Variants in GPHN observed in about 807,000 individuals in gnomAD.
GPHN encodes the protein gephyrin.
In GPHN, 17 loss-of-function variants were observed where a neutral mutation model predicts 95.5. That is an observed-to-expected ratio of 0.18 (90% CI 0.12 to 0.27). GPHN has a LOEUF of 0.27. GPHN is among the 10% of genes least tolerant of loss of function. GPHN has a pLI of 1.00. For synonymous variants in GPHN, 320 were observed against 322.5 expected, an observed-to-expected ratio of 0.99 and a Z score of 0.08; for missense variants, 660 against 978.1, an observed-to-expected ratio of 0.67 and a Z score of 4.34.
At chr14:67,168,833 C>T in intron 20 of GPHN, 100 bp from the exon 21 acceptor site, 1 of 820,930 alleles carries the variant, frequency 1.2e-6, no homozygotes, top group South Asian at 1.4e-5. Context: ...AGTGCCTAGT[C>T]ACTTCCGTCA....
rs543276410 is a variant in GPHN at position 66,575,863 on chromosome 14, G to A, written c.64+67272G>A. 7.2e-5 allele frequency among the ~76,000 whole-genome samples: 11 copies of A among 152,232 alleles called. No individual in the cohort carries two copies. In the East Asian group the frequency reaches 1.2e-3, roughly 16 times the overall value. ...TGGAGTGGTCCTAGAGGCTGCATCC[G>A]TGGGATGGGTCTAGAGTCTGAATCC... On this transcript the variant is annotated intron_variant, in intron 1 of 22. Transcript: ENST00000478722.
chr14:67,312,512 CTTT>C, the GPHN span: 7 of 1,499,774 alleles, frequency 4.7e-6, no homozygotes, highest in Non-Finnish European at 6.3e-6. Flanking sequence ...TGTTTTTGCC[CTTT>C]TTATCTTTTA....
chr14:66,751,212 T>C (rs975739068), intron 2 of GPHN, among the ~76,000 whole-genome samples: 1 of 152,058 alleles, frequency 6.6e-6, no homozygotes, highest in African/African-American at 2.4e-5. Context: ...ATATACCCAA[T>C]AATGGGATTG....
the GPHN span, chr14:67,662,487 G>A: frequency 6.2e-7 from 1 of 1,611,682 alleles, no homozygotes; most frequent in Non-Finnish European, 8.5e-7. Context: ...CGTTTCATTT[G>A]CTTCCTGTTG....
intron 1 of GPHN, among the ~76,000 whole-genome samples, chr14:66,573,180 A>G (rs1566626709): frequency 6.6e-6 from 1 of 152,178 alleles, no homozygotes; most frequent in Non-Finnish European, 1.5e-5. Flanking sequence ...TGCTTTTGGA[A>G]GGAATATTCT....
At chr14:67,735,055 C>A in the GPHN span, 1 of 681,666 alleles carries the variant, frequency 1.5e-6, no homozygotes, top group East Asian at 2.7e-5. Context: ...GATGCACTTA[C>A]AACCAACAGC....
At chr14:67,212,641 T>TA in the GPHN span, among the ~76,000 whole-genome samples, 1 of 144,842 alleles carries the variant, frequency 6.9e-6, no homozygotes, top group South Asian at 2.1e-4. Flanking sequence ...ATAATATATA[T>TA]TACATATATA....
the GPHN span, among the ~76,000 whole-genome samples, chr14:67,535,493 G>C: frequency 6.9e-6 from 1 of 145,652 alleles, no homozygotes; most frequent in Admixed American, 7.3e-5. Context: ...CAGTTCACCT[G>C]CCTTAGCCTC....
the GPHN span, among the ~76,000 whole-genome samples, chr14:67,469,844 T>G: frequency 2.6e-5 from 4 of 152,218 alleles, no homozygotes; most frequent in African/African-American, 7.2e-5. Context: ...TGGCCTTCCA[T>G]GTCTTTGGGG....
At chr14:67,625,942 A>T in the GPHN span, among the ~76,000 whole-genome samples, 1 of 152,110 alleles carries the variant, frequency 6.6e-6, no homozygotes, top group South Asian at 2.1e-4. Flanking sequence ...CACATTAGTC[A>T]TTACGGAAAT....
chr14:66,922,270 T>G (rs1275292935), intron 6 of GPHN, among the ~76,000 whole-genome samples: 1 of 124,242 alleles, frequency 8.0e-6, no homozygotes, highest in Non-Finnish European at 1.5e-5. Context: ...GCAGAGTGTA[T>G]GTTTTTTTTT....
the GPHN span, chr14:67,579,692 T>C: frequency 2.5e-6 from 4 of 1,606,612 alleles, no homozygotes; most frequent in South Asian, 3.4e-5. Context: ...GGAGGTTCAC[T>C]CAGGGTTGGA....
At chr14:66,895,913 A>G (rs2064822725) in intron 5 of GPHN, among the ~76,000 whole-genome samples, 1 of 152,178 alleles carries the variant, frequency 6.6e-6, no homozygotes, top group Admixed American at 6.5e-5. Flanking sequence ...GTAACAAAAT[A>G]CCTTAGACTG....
chr14:67,199,248 G>A, the GPHN span: 6 of 1,600,566 alleles, frequency 3.7e-6, no homozygotes, highest in South Asian at 1.1e-5. Context: ...GAATTCTTGA[G>A]TGAGGATGAT....
At chr14:66,936,401 T>C (rs1245700448) in intron 8 of GPHN, among the ~76,000 whole-genome samples, 2 of 150,374 alleles carry the variant, frequency 1.3e-5, no homozygotes, top group East Asian at 3.9e-4. Flanking sequence ...GAGAAAGAAA[T>C]GGGATTTTTT....
At chr14:67,403,644 G>A in the GPHN span, among the ~76,000 whole-genome samples, 1 of 152,238 alleles carries the variant, frequency 6.6e-6, no homozygotes, top group African/African-American at 2.4e-5. Context: ...AAAAACTGAT[G>A]ACAAAAGATG....
the GPHN span, chr14:67,384,662 T>A: frequency 6.6e-6 from 1 of 152,172 alleles, no homozygotes; most frequent in Non-Finnish European, 1.5e-5. Context: ...GTCTGGAAAA[T>A]AGAAGAGTGT....
intron 1 of GPHN, among the ~76,000 whole-genome samples, chr14:66,653,362 A>AT (rs1421784372): frequency 6.6e-6 from 1 of 152,126 alleles, no homozygotes; most frequent in South Asian, 2.1e-4. Context: ...ATTATAATTG[A>AT]TTTTTTAATT....
In GPHN at chr14:67,143,429, G is replaced by A; in HGVS notation, c.1816G>A (p.Gly606Ser). ...TGCTGATGTCATCATCACATCAGGGGGTGTATCCATGGGGGAAAAGGTATG... is the reference window on the plus strand; with the variant it reads ...TGCTGATGTCATCATCACATCAGGGAGTGTATCCATGGGGGAAAAGGTATG... ...SRADVIITSG[G>S]VSMGEKDYLK... Residue 606 changes from glycine to serine, a missense_variant, in exon 18 of 23, where the codon GGT (glycine) becomes AGT (serine). Around this residue, in one of 6 missense-constraint regions of GPHN, gnomAD observed 257 missense variants for 376.2 expected, o/e 0.68. Coordinates refer to ENST00000478722, the MANE Select transcript of GPHN (RefSeq NM_020806.5). 1 of 1,601,412 alleles carries A rather than the reference G, an allele frequency of 6.2e-7. No homozygotes were observed. The highest frequency in any genetic ancestry group is 8.6e-7 in the Non-Finnish European group (1 of 1,168,508).
Sources: allele counts gnomAD v4.1 joint callset (sites outside exome capture counted in the v4.1 genomes callset), GRCh38; gene constraint gnomAD v4.1.1; regional missense constraint gnomAD v4.1.1; transcripts MANE v1.5; gene names NCBI Gene and HGNC (gene_info 2026-07-23, HGNC 2026-07-21).